Variants in ZNF568 observed in about 807,000 individuals in gnomAD.
The protein encoded by ZNF568 is zinc finger protein 568, also known as p53 inhibitor of SCO2 activation.
In ZNF568, 11 loss-of-function variants were observed where a neutral mutation model predicts 18.1. That is an observed-to-expected ratio of 0.61 (90% CI 0.38 to 1.00). ZNF568 has a LOEUF of 1.00. Among genes scored for constraint, ZNF568 ranks in the 50% least tolerant of loss-of-function variants. The pLI, the probability that ZNF568 is intolerant of heterozygous loss-of-function variation, is 0.01. For missense variants in ZNF568, 639 were observed against 768.2 expected, an observed-to-expected ratio of 0.83 and a Z score of 1.99; for synonymous variants, 213 against 246.6, an observed-to-expected ratio of 0.86 and a Z score of 1.28.
At chr19:36,958,019 C>T (rs2074120623) in intron 6 of ZNF568, among the ~76,000 whole-genome samples, 2 of 152,128 alleles carry the variant, frequency 1.3e-5, no homozygotes, top group South Asian at 4.1e-4. Context: ...TTTTCTGCAT[C>T]TATTGACATG....
At chr19:36,934,784 C>T (rs2073760651) in intron 4 of ZNF568, among the ~76,000 whole-genome samples, 1 of 151,990 alleles carries the variant, frequency 6.6e-6, no homozygotes, top group African/African-American at 2.4e-5. Context: ...TTGTAATTTC[C>T]ATTGTGATTT....
intron 4 of ZNF568, among the ~76,000 whole-genome samples, chr19:36,927,496 T>C (rs1326522712): frequency 6.6e-6 from 1 of 152,104 alleles, no homozygotes; most frequent in Non-Finnish European, 1.5e-5. Flanking sequence ...ACTGTATACA[T>C]ACATGATGGT....
rs529196438 is a variant in ZNF568, at chr19:36,946,004, G to A, written c.359-3508G>A. ...CAGCTATTGGGGAGGCTGAGGCAGG[G>A]GAATCGCTTGAACCCGGGAGGCGGA... is the stretch of plus-strand genomic sequence containing the variant. On this transcript the variant is annotated intron_variant, in intron 6 of 6. Transcript: ENST00000333987. Among the ~76,000 whole-genome samples the A allele has an allele frequency of 7.2e-5, 11 of 151,882 alleles. No homozygotes were observed. The East Asian group carries it at 1.2e-3, about 16-fold the overall frequency.
chr19:36,958,193 T>C (rs558789945), intron 6 of ZNF568, among the ~76,000 whole-genome samples: 22 of 152,352 alleles, frequency 1.4e-4, no homozygotes, highest in Admixed American at 1.2e-3. Context: ...TTATTGAGTA[T>C]TTTTGCATCT....
chr19:36,945,570 T>C (rs2073950382), intron 6 of ZNF568, among the ~76,000 whole-genome samples: 1 of 152,158 alleles, frequency 6.6e-6, no homozygotes, highest in African/African-American at 2.4e-5. Flanking sequence ...CAATAAGGCT[T>C]CTGGTCAACA....
chr19:36,949,606 A>C lies in ZNF568; in HGVS notation c.453A>C (p.Lys151Asn). Residue 151 changes from lysine to asparagine, a missense_variant, in exon 7 of 7, where the codon AAA becomes AAC. Lys to Asn is a moderately conservative substitution (Grantham distance 94). Coordinates refer to ENST00000333987, the MANE Select transcript of ZNF568 (RefSeq NM_198539.4). Reference protein sequence around the residue: ...SISKKILIKEKVIECKKVAKI... With the variant: ...SISKKILIKENVIECKKVAKI... ...CCAAGAAAATTCTGATAAAGGAAAA[A>C]GTCATTGAATGTAAAAAAGTTGCGA... 1 of 1,613,632 alleles carries C rather than the reference A, an allele frequency of 6.2e-7. No individual in the cohort carries two copies. The highest frequency in any genetic ancestry group is 8.5e-7 in the Non-Finnish European group (1 of 1,179,800).
At chr19:36,964,720 G>A (rs1190708296) in intron 6 of ZNF568, among the ~76,000 whole-genome samples, 1 of 152,160 alleles carries the variant, frequency 6.6e-6, no homozygotes, top group African/African-American at 2.4e-5. Flanking sequence ...GGAGGCTGAG[G>A]TGGGAGGATC....
intron 7 of ZNF568, chr19:36,976,226 A>G (rs2074283818): frequency 6.6e-6 from 1 of 152,058 alleles, no homozygotes; most frequent in Non-Finnish European, 1.5e-5. Flanking sequence ...ATGTGTAGTC[A>G]TGTGATTTTT....
chr19:36,987,851 T>TGTGTGTG (rs1568408488), intron 2 of ZNF568, among the ~76,000 whole-genome samples: 3 of 147,170 alleles, frequency 2.0e-5, no homozygotes, highest in Non-Finnish European at 1.5e-5. Flanking sequence ...TGTGTGTGTG[T>TGTGTGTG]TGGGGTACCA....
rs56000710 is a variant in ZNF568 at position 36,987,822 on chromosome 19, C to CTGTGTGTGTG, written c.10-3334_10-3325dup. On this transcript the variant is annotated intron_variant, in intron 2 of 4. Transcript: ENST00000433993. Reference sequence around the variant, plus strand: ...CTCAGAGAGAAAGAAAACACAGACTCTGTGTGTGTGTGTGTGTGTGTGTGT... The same window carrying CTGTGTGTGTG: ...CTCAGAGAGAAAGAAAACACAGACTCTGTGTGTGTGTGTGTGTGTGTGTGTGTGTGTGTGT... 9.5e-3 allele frequency among the ~76,000 whole-genome samples: 1,389 copies of CTGTGTGTGTG among 146,408 alleles called. 34 individuals carry two copies. The highest frequency in any genetic ancestry group is 0.05 in the East Asian group (234 of 4,644).
intron 2 of ZNF568, among the ~76,000 whole-genome samples, chr19:36,987,118 C>CT (rs1190978878): frequency 6.6e-6 from 1 of 152,164 alleles, no homozygotes; most frequent in Non-Finnish European, 1.5e-5. Context: ...ACTTAAAGTG[C>CT]TTAAAGAACA....
intron 6 of ZNF568, among the ~76,000 whole-genome samples, chr19:36,943,779 G>T (rs946047982): frequency 6.6e-6 from 1 of 151,928 alleles, no homozygotes; most frequent in Non-Finnish European, 1.5e-5. Flanking sequence ...CGCCATGTTG[G>T]CCAGGCTGGT....
At chr19:36,944,451 CAATTAA>C in intron 6 of ZNF568, among the ~76,000 whole-genome samples, 1 of 151,842 alleles carries the variant, frequency 6.6e-6, no homozygotes, top group East Asian at 1.9e-4. Context: ...TAGATACATC[CAATTAA>C]AATTAAAAAG....
chr19:36,996,257 G>T, intron 4 of ZNF568: 1 of 1,252,392 alleles, frequency 8.0e-7, no homozygotes, highest in Non-Finnish European at 1.1e-6. Flanking sequence ...CTACTTTCAG[G>T]ACTTTTCTTT....
At chr19:36,937,079 C>T (rs1423736089) in intron 5 of ZNF568, 68 bp from the exon 6 acceptor site, 5 of 1,525,096 alleles carry the variant, frequency 3.3e-6, no homozygotes, top group South Asian at 1.2e-5. Flanking sequence ...CAAGCTTGGA[C>T]TTAGCCTAAG....
At chr19:36,997,098 T>C in exon 5 of ZNF568, 1 of 1,565,666 alleles carries the variant, frequency 6.4e-7, no homozygotes, top group East Asian at 2.4e-5. Flanking sequence ...TGAGCCTTCA[T>C]CAGATAATCC....
intron 4 of ZNF568, among the ~76,000 whole-genome samples, chr19:36,928,382 G>T (rs1319719136): frequency 6.6e-6 from 1 of 152,042 alleles, no homozygotes; most frequent in Non-Finnish European, 1.5e-5. Context: ...AAAAGTAAAA[G>T]AACATTTTCT....
At chr19:36,927,903 A>ATTTT (rs71177414) in intron 4 of ZNF568, among the ~76,000 whole-genome samples, 7 of 26,602 alleles carry the variant, frequency 2.6e-4, no homozygotes, top group East Asian at 1.2e-3. Flanking sequence ...ATATATATAT[A>ATTTT]TTTTTTTTTT....
At position 36,921,703 on chromosome 19, in the gene ZNF568, G is replaced by T. The variant is rs534615888; in HGVS notation, c.-185-883G>T. Among the ~76,000 whole-genome samples the T allele has an allele frequency of 2.0e-5, 3 of 151,728 alleles. No individual in the cohort carries two copies. In the South Asian group the frequency reaches 6.2e-4, roughly 31 times the overall value. On this transcript the variant is annotated intron_variant, in intron 2 of 6. Coordinates refer to ENST00000333987, the MANE Select transcript of ZNF568 (RefSeq NM_198539.4). ...ATTAATATATTTTAATAGTCATTTCGTATATTCATCCAATATTATTGTGAC... is the reference window on the plus strand; with the variant it reads ...ATTAATATATTTTAATAGTCATTTCTTATATTCATCCAATATTATTGTGAC...
Sources: gnomAD v4.1 joint callset for allele counts (sites outside exome capture counted in the v4.1 genomes callset) on GRCh38, gnomAD v4.1.1 for gene constraint, MANE v1.5 for transcripts, NCBI Gene and HGNC (gene_info 2026-07-23, HGNC 2026-07-21) for gene names.